Variants in FGF13 observed in about 807,000 individuals in gnomAD.
The protein encoded by FGF13 is fibroblast growth factor 13.
Under a neutral mutation model 19.5 loss-of-function variants are expected in FGF13, and 2 were observed. That is an observed-to-expected ratio of 0.10 (90% CI 0.04 to 0.32). FGF13 has a LOEUF of 0.32. Ranked by LOEUF, FGF13 falls within the 10% of genes least tolerant of loss-of-function variation. FGF13 has a pLI of 1.00. For synonymous variants in FGF13, 72 were observed against 76.9 expected (o/e 0.94, Z 0.33); for missense variants, 113 against 192.7 (o/e 0.59, Z 2.45).
At chrX:138,688,090 G>T (rs937593490) in intron 3 of FGF13, among the ~76,000 whole-genome samples, 2 of 109,110 alleles carry the variant, frequency 1.8e-5, no homozygotes, top group Non-Finnish European at 3.8e-5. Context: ...CAAGTAGCTG[G>T]GACTACAGGT....
At position 138,630,997 on chromosome X, in the gene FGF13, A is replaced by AAAT. The variant is rs1231497507; in HGVS notation, c.*1850_*1852dup. On this transcript the variant is annotated 3_prime_UTR_variant, in exon 5 of 5. Coordinates refer to ENST00000315930, the MANE Select transcript of FGF13 (RefSeq NM_004114.5). ...TGTCATTTATTGAATAGTGTACTGG[A>AAAT]AATAAAAAGCAAAATGGTTGTATGG... is the stretch of plus-strand genomic sequence containing the variant. 1.8e-5 allele frequency: 2 copies of AAAT among 111,758 alleles called. No homozygotes were observed. Among genetic ancestry groups the AAAT allele is most frequent in the African/African-American group, 6.5e-5 (2 of 30,742 alleles). The allele number at this position is 111,758 out of a possible 1,213,427, so 9.2% of individuals were successfully genotyped here.
intron 1 of FGF13, among the ~76,000 whole-genome samples, chrX:139,091,248 T>C (rs1214217208): frequency 9.0e-6 from 1 of 111,226 alleles, no homozygotes; most frequent in Non-Finnish European, 1.9e-5. Flanking sequence ...CCCTGATTTG[T>C]AGTCCAGAAA....
chrX:138,943,233 G>C (rs753186500), intron 1 of FGF13, among the ~76,000 whole-genome samples: 96 of 112,247 alleles, frequency 8.6e-4, no homozygotes, highest in Non-Finnish European at 1.6e-3. Context: ...CACTCCCACT[G>C]CCCATGGTCT....
At chrX:139,187,593 GA>G (rs965990162) in intron 1 of FGF13, among the ~76,000 whole-genome samples, 1 of 110,692 alleles carries the variant, frequency 9.0e-6, no homozygotes, top group African/African-American at 3.3e-5. Flanking sequence ...AATCTTAGCA[GA>G]AAAAAAATAA....
intron 3 of FGF13, among the ~76,000 whole-genome samples, chrX:138,832,021 T>A (rs1050054340): frequency 1.8e-5 from 2 of 112,361 alleles, no homozygotes; most frequent in Non-Finnish European, 3.8e-5. Context: ...GGATCTCATT[T>A]TTTATGGTTG....
chrX:138,984,393 C>T (rs35204128), intron 1 of FGF13, among the ~76,000 whole-genome samples: 1 of 101,898 alleles, frequency 9.8e-6, no homozygotes, highest in African/African-American at 3.6e-5. Context: ...CCAGCCTGGG[C>T]GGCAGAGTGA....
intron 3 of FGF13, among the ~76,000 whole-genome samples, chrX:138,648,410 T>A (rs2089330314): frequency 9.0e-6 from 1 of 111,049 alleles, no homozygotes; most frequent in African/African-American, 3.3e-5. Flanking sequence ...CTCCTACAAC[T>A]CTAGCATAAG....
At chrX:138,749,303 CA>C (rs1254935374) in intron 3 of FGF13, among the ~76,000 whole-genome samples, 2 of 100,762 alleles carry the variant, frequency 2.0e-5, no homozygotes, top group Non-Finnish European at 4.0e-5. Context: ...CTTTTAGTCC[CA>C]GGGGGGAGAG....
At chrX:138,911,858 T>C (rs1022064603) in intron 1 of FGF13, among the ~76,000 whole-genome samples, 4 of 111,732 alleles carry the variant, frequency 3.6e-5, no homozygotes, top group Non-Finnish European at 5.6e-5. Context: ...TAACACCCTG[T>C]CTCAGAAGAT....
chrX:138,890,900 G>T (rs6654357), intron 1 of FGF13, among the ~76,000 whole-genome samples: 5,627 of 111,986 alleles, frequency 0.05, 377 homozygotes, highest in African/African-American at 0.17. Context: ...TATTATTGCT[G>T]TTGTCATTTC....
chrX:138,744,858 G>A (rs772935158), intron 3 of FGF13, among the ~76,000 whole-genome samples: 26 of 111,843 alleles, frequency 2.3e-4, no homozygotes, highest in Non-Finnish European at 4.1e-4. Flanking sequence ...GAGATGAGAT[G>A]TTGAAGACAA....
intron 1 of FGF13, among the ~76,000 whole-genome samples, chrX:139,130,629 G>A (rs914567349): frequency 9.0e-6 from 1 of 111,642 alleles, no homozygotes; most frequent in Non-Finnish European, 1.9e-5. Flanking sequence ...TTTGCTGATG[G>A]CATTACTTTT....
chrX:138,877,232 T>C (rs1378206746), intron 1 of FGF13, among the ~76,000 whole-genome samples: 1 of 110,394 alleles, frequency 9.1e-6, no homozygotes, highest in African/African-American at 3.3e-5. Context: ...TATTCTGTTT[T>C]TTTTTTAAGA....
chrX:138,908,153 C>G (rs1486191779), intron 1 of FGF13, among the ~76,000 whole-genome samples: 3 of 103,634 alleles, frequency 2.9e-5, no homozygotes, highest in Admixed American at 2.1e-4. Context: ...TCACTGCAAG[C>G]TCTGCCTCCA....
At chrX:138,719,674 G>A (rs1233185572) in intron 1 of FGF13, among the ~76,000 whole-genome samples, 1 of 112,273 alleles carries the variant, frequency 8.9e-6, no homozygotes, top group Non-Finnish European at 1.9e-5. Flanking sequence ...AGCCAAAAGA[G>A]AGAAAAATAT....
intron 1 of FGF13, among the ~76,000 whole-genome samples, chrX:139,112,971 A>AGTGTGTGTGTGT (rs748975156): frequency 5.7e-5 from 5 of 87,756 alleles, no homozygotes; most frequent in Non-Finnish European, 1.1e-4. Flanking sequence ...TTGATTATGT[A>AGTGTGTGTGTGT]GTGTGTGTGT....
At chrX:138,837,571 C>T (rs1430123934) in intron 3 of FGF13, among the ~76,000 whole-genome samples, 3 of 112,533 alleles carry the variant, frequency 2.7e-5, no homozygotes, top group South Asian at 7.4e-4. Context: ...GCCCACCCCT[C>T]CTTCTGGGAG....
At chrX:139,046,519 C>T (rs1939463364) in intron 1 of FGF13, among the ~76,000 whole-genome samples, 1 of 111,383 alleles carries the variant, frequency 9.0e-6, no homozygotes, top group Non-Finnish European at 1.9e-5. Context: ...AATGTAGTGG[C>T]TCCTATGGGC....
chrX:138,735,193 T>G (rs1328818391), intron 1 of FGF13, among the ~76,000 whole-genome samples: 2 of 112,174 alleles, frequency 1.8e-5, no homozygotes, highest in African/African-American at 6.5e-5. Flanking sequence ...TAAGCATTAG[T>G]GGAACAATGA....
Sources: allele counts gnomAD v4.1 joint callset (sites outside exome capture counted in the v4.1 genomes callset), GRCh38; gene constraint gnomAD v4.1.1; transcripts MANE v1.5; gene names NCBI Gene and HGNC (gene_info 2026-07-23, HGNC 2026-07-21).